Variants in MASP2 observed in about 807,000 individuals in gnomAD.
The protein encoded by MASP2 is MBL associated serine protease 2.
A neutral mutation model predicts 57.1 loss-of-function variants in MASP2; 49 were observed. That is an observed-to-expected ratio of 0.86 (90% CI 0.68 to 1.09). The LOEUF (loss-of-function observed/expected upper bound fraction) is 1.09. Among genes scored for constraint, MASP2 ranks in the 50% least tolerant of loss-of-function variants. The pLI is 0.00. For synonymous variants in MASP2, 379 were observed against 340.8 expected (o/e 1.11, Z -1.24); for missense variants, 900 against 874.8 (o/e 1.03, Z -0.36).
At chr1:11,043,609 C>G in intron 4 of MASP2, 74 bp from the exon 5 acceptor site, 1 of 1,019,748 alleles carries the variant, frequency 9.8e-7, no homozygotes, top group South Asian at 1.5e-5. Context: ...AGGGTGGATG[C>G]CTTGGGGAGC....
At chr1:11,030,624 G>C in intron 9 of MASP2, 124 bp downstream of exon 9, 2 of 1,051,326 alleles carry the variant, frequency 1.9e-6, no homozygotes, top group Non-Finnish European at 2.7e-6. Flanking sequence ...CTTAGCGGAT[G>C]GGAGAAGTGG....
intron 6 of MASP2, among the ~76,000 whole-genome samples, chr1:11,038,124 C>G (rs895325507): frequency 1.3e-5 from 2 of 152,148 alleles, no homozygotes; most frequent in Non-Finnish European, 2.9e-5. Context: ...GGCTCAAAAC[C>G]AAGAGAGAGT....
At chr1:11,043,664 G>A (rs1368711262) in intron 4 of MASP2, 129 bp from the exon 5 acceptor site, 2 of 677,598 alleles carry the variant, frequency 3.0e-6, no homozygotes, top group Admixed American at 2.7e-5. Flanking sequence ...GCATCCCTGG[G>A]TTGGGCTGGG....
rs781032168 is a variant in MASP2, at chr1:11,043,420, C to A, written c.660G>T (p.Gly220=). 73 of 1,610,826 alleles carry A rather than the reference C, an allele frequency of 4.5e-5. No individual in the cohort carries two copies. Among genetic ancestry groups the A allele is most frequent in the Non-Finnish European group, 6.0e-5 (71 of 1,178,940 alleles). The change falls in exon 5 of 11, where the codon GGG becomes GGT. Residue 220 remains glycine (G), a synonymous_variant. Coordinates refer to ENST00000400897, the MANE Select transcript of MASP2 (RefSeq NM_006610.4). ...CCACAAAGTCCAGAATGACACTGAACCCCTCCTCCAGGCTGATGCTGTAAG... is the reference window on the plus strand; with the variant it reads ...CCACAAAGTCCAGAATGACACTGAAACCCTCCTCCAGGCTGATGCTGTAAG... ...SCTYSISLEE[G]FSVILDFVES...
intron 8 of MASP2, 25 bp from the exon 9 acceptor site, chr1:11,030,907 G>A: frequency 6.2e-7 from 1 of 1,603,274 alleles, no homozygotes; most frequent in Non-Finnish European, 8.5e-7. Flanking sequence ...TGGGAGGGAG[G>A]AATCCATTGA....
At chr1:11,040,160 G>A (rs1421342258) in intron 6 of MASP2, among the ~76,000 whole-genome samples, 1 of 151,978 alleles carries the variant, frequency 6.6e-6, no homozygotes, top group Admixed American at 6.6e-5. Flanking sequence ...TAGGTGGGTG[G>A]GTAGATGTAC....
chr1:11,046,143 G>A (rs1300890040), intron 3 of MASP2: 2 of 295,216 alleles, frequency 6.8e-6, no homozygotes, highest in Non-Finnish European at 1.3e-5. Flanking sequence ...CTCCCTAGTA[G>A]CTGGGATTCC....
At position 11,046,989 on chromosome 1, in the gene MASP2, G is replaced by A. The variant is rs776254242; in HGVS notation, c.136C>T (p.Arg46Cys). 1.7e-5 allele frequency: 27 copies of A among 1,555,644 alleles called. No individual in the cohort carries two copies. The highest frequency in any genetic ancestry group is 4.8e-5 in the East Asian group (2 of 41,462). The change falls in exon 2 of 11, where the codon CGC becomes TGC. Residue 46 changes from arginine (R) to cysteine (C), a missense_variant. Physicochemically the swap from Arg to Cys is radical, Grantham distance 180 (BLOSUM62 -3). Coordinates refer to ENST00000400897, the MANE Select transcript of MASP2 (RefSeq NM_006610.4). The part of the protein sequence containing the change: ...PGEYANDQER[R>C]WTLTAPPGYR... ...CCGGGGGGTGCAGTCAGGGTCCAGC[G>A]CCGCTCCTGGTCATTGGCATACTCC...
intron 8 of MASP2, 37 bp from the exon 9 acceptor site, chr1:11,030,919 C>G: frequency 6.3e-7 from 1 of 1,597,482 alleles, no homozygotes; most frequent in Non-Finnish European, 8.5e-7. Context: ...ATCCATTGAT[C>G]ATTTCAGTGC....
At position 11,045,124 on chromosome 1, in the gene MASP2, C is replaced by T. The variant is rs190433406; in HGVS notation, c.544+284G>A. The T allele has an allele frequency of 5.7e-4, 426 of 748,882 alleles. 6 individuals carry two copies. Among genetic ancestry groups the T allele is most frequent in the South Asian group, 5.1e-3 (319 of 62,676 alleles). 46.4% of individuals were successfully genotyped at this position (748,882 alleles called of 1,614,324 possible). A position where few individuals can be genotyped will look rare whatever the true frequency, so the allele number is the denominator to read the frequency against. ...CCAAGGAACGAGGGCTAGATACCCC[C>T]GACTCTCCCGTGGCTACATGAGGGG... On this transcript the variant is annotated intron_variant, in intron 4 of 10. Coordinates refer to ENST00000400897, the MANE Select transcript of MASP2 (RefSeq NM_006610.4).
At chr1:11,035,486 C>T (rs1643880120) in intron 7 of MASP2, among the ~76,000 whole-genome samples, 1 of 152,124 alleles carries the variant, frequency 6.6e-6, no homozygotes, top group Non-Finnish European at 1.5e-5. Context: ...GATATTGCAA[C>T]ACTGCACTCC....
At chr1:11,032,927 A>T (rs1356912831) in intron 8 of MASP2, among the ~76,000 whole-genome samples, 1 of 152,186 alleles carries the variant, frequency 6.6e-6, no homozygotes. Flanking sequence ...AATAAATATT[A>T]AAAAGTAATG....
intron 10 of MASP2, chr1:11,029,956 T>C (rs1483583376): frequency 2.4e-5 from 10 of 417,200 alleles, no homozygotes; most frequent in African/African-American, 4.2e-5. Flanking sequence ...TGCCTAGTTA[T>C]AAGGTCAAAG....
rs143829949 is a variant in MASP2, at chr1:11,035,560, C to A, written c.1009-654G>T. ...ATCATCATCATCATCATCATCATAT[C>A]TCAACATTTCTGCATCTGATGTTCC... On this transcript the variant is annotated intron_variant, in intron 7 of 10. Coordinates refer to ENST00000400897, the MANE Select transcript of MASP2 (RefSeq NM_006610.4). Among the ~76,000 whole-genome samples the A allele has an allele frequency of 4.1e-3, 530 of 128,552 alleles. 1 individual carries two copies. Among genetic ancestry groups the A allele is most frequent in the Non-Finnish European group, 7.1e-3 (426 of 59,792 alleles). The allele number at this position is 128,552 out of a possible 152,430, so 84.3% of individuals were successfully genotyped here. A position where few individuals can be genotyped will look rare whatever the true frequency, so the allele number is the denominator to read the frequency against.
rs1429545200 is a variant in MASP2, at chr1:11,028,718, T to G, written c.1298-1070A>C. 1.3e-3 allele frequency among the ~76,000 whole-genome samples: 191 copies of G among 149,456 alleles called. 1 individual carries two copies. The highest frequency in any genetic ancestry group is 4.2e-3 in the African/African-American group (168 of 40,470). ...CTGGGTTTTTTTTCTTTTTTTTTTT[T>G]TTTTTTTTTTTTTGAGACAGAGTCT... On this transcript the variant is annotated intron_variant, in intron 10 of 10. Transcript: ENST00000400897.
chr1:11,042,706 C>T (rs765506646), intron 6 of MASP2, among the ~76,000 whole-genome samples, 169 bp downstream of exon 6: 1 of 151,948 alleles, frequency 6.6e-6, no homozygotes, highest in Non-Finnish European at 1.5e-5. Flanking sequence ...GGAGGGACAG[C>T]GGGTGCTTCC....
At chr1:11,038,009 C>T (rs1638305560) in intron 6 of MASP2, among the ~76,000 whole-genome samples, 198 bp from the exon 7 acceptor site, 1 of 152,172 alleles carries the variant, frequency 6.6e-6, no homozygotes, top group African/African-American at 2.4e-5. Flanking sequence ...TTCTTGTTTT[C>T]CCTGGGACTG....
intron 10 of MASP2, 161 bp downstream of exon 10, chr1:11,030,015 G>A: frequency 1.8e-6 from 1 of 567,252 alleles, no homozygotes; most frequent in Non-Finnish European, 3.1e-6. Flanking sequence ...CTGTATATGG[G>A]AAGGGGGTAA....
At position 11,027,164 on chromosome 1, in the gene MASP2, G is replaced by A. The variant is rs139926153; in HGVS notation, c.1782C>T (p.Asp594=). 2.5e-6 allele frequency: 4 copies of A among 1,613,996 alleles called. No individual in the cohort carries two copies. Among genetic ancestry groups the A allele is most frequent in the Non-Finnish European group, 3.4e-6 (4 of 1,180,014 alleles). The change falls in exon 11 of 11, where the codon GAC becomes GAT. Residue 594 remains aspartate (D), a synonymous_variant. Transcript: ENST00000400897. ...NLMYVDIPIV[D]HQKCTAAYEK... Reference sequence around the variant, plus strand: ...CATATGCAGCAGTACATTTTTGATGGTCAACAATCGGTATGTCGACATACA... The same window carrying A: ...CATATGCAGCAGTACATTTTTGATGATCAACAATCGGTATGTCGACATACA...
Sources: gnomAD v4.1 joint callset for allele counts (sites outside exome capture counted in the v4.1 genomes callset) on GRCh38, gnomAD v4.1.1 for gene constraint, MANE v1.5 for transcripts, NCBI Gene and HGNC (gene_info 2026-07-23, HGNC 2026-07-21) for gene names.